PDE1C: variants seen among roughly 807,000 people sequenced by gnomAD.
PDE1C encodes phosphodiesterase 1C.
Under a neutral mutation model 93.1 loss-of-function variants are expected in PDE1C, and 62 were observed. The observed-to-expected ratio is 0.67, with a 90% CI of 0.54 to 0.82. The LOEUF is 0.82. PDE1C is among the 40% of genes least tolerant of loss of function. The pLI is 0.00. For synonymous variants in PDE1C, 325 were observed against 310.1 expected (o/e 1.05, Z -0.50); for missense variants, 742 against 884.6 (o/e 0.84, Z 2.04).
intron 3 of PDE1C, among the ~76,000 whole-genome samples, chr7:32,149,505 T>C (rs1294574868): frequency 6.6e-6 from 1 of 152,220 alleles, no homozygotes; most frequent in Admixed American, 6.5e-5. Flanking sequence ...AAGATGTCCA[T>C]CACGGCATTG....
chr7:31,843,780 G>C (rs1792208015), intron 9 of PDE1C, among the ~76,000 whole-genome samples: 2 of 151,382 alleles, frequency 1.3e-5, no homozygotes, highest in Non-Finnish European at 3.0e-5. Flanking sequence ...TTCTGCTTGA[G>C]ATATTTTTTG....
chr7:32,106,328 G>C (rs1166575799), intron 3 of PDE1C, among the ~76,000 whole-genome samples: 1 of 152,134 alleles, frequency 6.6e-6, no homozygotes, highest in African/African-American at 2.4e-5. Context: ...ATAGGTGCAA[G>C]CCACTATGCC....
intron 3 of PDE1C, among the ~76,000 whole-genome samples, chr7:32,120,060 G>A (rs1269489582): frequency 4.6e-5 from 7 of 152,160 alleles, no homozygotes; most frequent in Admixed American, 3.9e-4. Context: ...CTAGAGCCAG[G>A]GAGGCTGGAC....
chr7:32,008,596 G>T (rs564963676), intron 2 of PDE1C, among the ~76,000 whole-genome samples: 2 of 152,172 alleles, frequency 1.3e-5, no homozygotes, highest in East Asian at 3.9e-4. Context: ...TGAACTGAAG[G>T]ACACCTCCAG....
At chr7:31,899,716 T>C (rs1023959474) in intron 2 of PDE1C, among the ~76,000 whole-genome samples, 1 of 152,144 alleles carries the variant, frequency 6.6e-6, no homozygotes, top group Non-Finnish European at 1.5e-5. Flanking sequence ...TGTAAACCCT[T>C]AGTATGAGCA....
the PDE1C span, among the ~76,000 whole-genome samples, chr7:31,743,626 C>T: frequency 6.6e-6 from 1 of 151,244 alleles, no homozygotes; most frequent in Admixed American, 6.6e-5. Flanking sequence ...TAAAATAAAA[C>T]TAATGTGTAA....
intron 1 of PDE1C, among the ~76,000 whole-genome samples, chr7:32,377,871 A>T (rs1377548341): frequency 6.6e-6 from 1 of 152,166 alleles, no homozygotes; most frequent in Non-Finnish European, 1.5e-5. Context: ...ACCACTGGAG[A>T]CAGCATCTGA....
rs146439144 is a variant in PDE1C, at chr7:32,406,045, G to T, written c.310+21777C>A. The stretch of plus-strand genomic sequence containing the variant: ...TTGGTAAACTCAACAGCCCCCTGAG[G>T]TAGACGTTACAAGTTATTAGTATCT... On this transcript the variant is annotated intron_variant, in intron 1 of 1. Coordinates refer to the PDE1C transcript ENST00000672256. 5.6e-3 allele frequency among the ~76,000 whole-genome samples: 858 copies of T among 152,196 alleles called. 7 individuals are homozygous for T. Among genetic ancestry groups the T allele is most frequent in the African/African-American group, 0.02 (819 of 41,510 alleles).
chr7:32,160,979 TC>T (rs1284924278), intron 3 of PDE1C, among the ~76,000 whole-genome samples: 2 of 152,140 alleles, frequency 1.3e-5, no homozygotes, highest in Non-Finnish European at 2.9e-5. Flanking sequence ...CTTGCTGCCG[TC>T]TCTCCCAACC....
intron 17 of PDE1C, among the ~76,000 whole-genome samples, chr7:31,754,077 A>G (rs746811446): frequency 3.3e-5 from 5 of 152,232 alleles, no homozygotes; most frequent in Non-Finnish European, 5.9e-5. Context: ...ACCCAATTTT[A>G]AAATGGGCAA....
intron 2 of PDE1C, among the ~76,000 whole-genome samples, chr7:31,909,642 G>A (rs1393001821): frequency 6.6e-6 from 1 of 151,996 alleles, no homozygotes; most frequent in East Asian, 1.9e-4. Context: ...AACTTATTTG[G>A]CATTGGTTTG....
At chr7:32,198,864 C>T (rs1268354004) in intron 2 of PDE1C, among the ~76,000 whole-genome samples, 2 of 152,112 alleles carry the variant, frequency 1.3e-5, no homozygotes, top group African/African-American at 4.8e-5. Context: ...ATGCCTATAA[C>T]CCAGCACTTT....
At chr7:32,253,390 G>A (rs1477938824) in intron 1 of PDE1C, among the ~76,000 whole-genome samples, 4 of 152,100 alleles carry the variant, frequency 2.6e-5, no homozygotes, top group Non-Finnish European at 4.4e-5. Context: ...GGCCTTTACC[G>A]AAACCCCACA....
chr7:32,411,252 G>A (rs932055481), intron 1 of PDE1C, among the ~76,000 whole-genome samples: 6 of 152,176 alleles, frequency 3.9e-5, no homozygotes, highest in African/African-American at 1.2e-4. Context: ...GCAAACCGTA[G>A]TAGAGTCATG....
At chr7:31,769,783 G>A (rs150338657) in intron 17 of PDE1C, among the ~76,000 whole-genome samples, 12 of 152,100 alleles carry the variant, frequency 7.9e-5, no homozygotes, top group African/African-American at 1.2e-4. Context: ...TCCCCAGCCC[G>A]TGACAACCAC....
At chr7:32,004,861 A>G (rs1188977700) in intron 2 of PDE1C, among the ~76,000 whole-genome samples, 1 of 152,240 alleles carries the variant, frequency 6.6e-6, no homozygotes, top group Admixed American at 6.5e-5. Context: ...ATTATTGAGA[A>G]CAGAATACAC....
intron 3 of PDE1C, among the ~76,000 whole-genome samples, chr7:32,084,977 G>A (rs2128740460): frequency 7.3e-6 from 1 of 137,532 alleles, no homozygotes; most frequent in South Asian, 2.6e-4. Flanking sequence ...TCAAAAGCTA[G>A]CAGAAGGCAA....
At chr7:32,263,262 C>T (rs530410874) in intron 1 of PDE1C, among the ~76,000 whole-genome samples, 5 of 152,274 alleles carry the variant, frequency 3.3e-5, no homozygotes, top group East Asian at 3.9e-4. Flanking sequence ...ATACACTTTA[C>T]GCAGATTCAC....
chr7:32,329,788 T>C (rs1223758089), intron 1 of PDE1C, among the ~76,000 whole-genome samples: 4 of 152,198 alleles, frequency 2.6e-5, no homozygotes, highest in African/African-American at 4.8e-5. Flanking sequence ...TGGTTGAAAC[T>C]AGTGTATACA....
Sources: allele counts gnomAD v4.1 joint callset (sites outside exome capture counted in the v4.1 genomes callset), GRCh38; gene constraint gnomAD v4.1.1; transcripts MANE v1.5; gene names NCBI Gene and HGNC (gene_info 2026-07-23, HGNC 2026-07-21).